The following SHC3 variants were observed in gnomAD, a reference collection of about 807,000 sequenced individuals.
SHC3 encodes the protein SHC adaptor protein 3.
A neutral mutation model predicts 60.4 loss-of-function variants in SHC3; 15 were observed. The observed-to-expected ratio is 0.25, with a 90% CI of 0.17 to 0.38. The LOEUF is 0.38. Ranked by LOEUF, SHC3 falls within the 10% of genes least tolerant of loss-of-function variation. The pLI is 1.00. For synonymous variants in SHC3, 294 were observed against 325.9 expected, an observed-to-expected ratio of 0.90 and a Z score of 1.05; for missense variants, 677 against 786.1, an observed-to-expected ratio of 0.86 and a Z score of 1.66.
At chr9:89,112,713 C>T in intron 1 of SHC3, 87 bp from the exon 2 acceptor site, 1 of 1,138,250 alleles carries the variant, frequency 8.8e-7, no homozygotes, top group Non-Finnish European at 1.2e-6. Flanking sequence ...TTTTGGGAGC[C>T]ATACACATTT....
chr9:89,110,881 C>A (rs1221547560), intron 2 of SHC3, among the ~76,000 whole-genome samples: 1 of 152,172 alleles, frequency 6.6e-6, no homozygotes, highest in African/African-American at 2.4e-5. Flanking sequence ...GTTCCAACTG[C>A]TTTCTTCTAC....
At chr9:89,093,856 C>A (rs1825661529) in intron 2 of SHC3, among the ~76,000 whole-genome samples, 1 of 152,110 alleles carries the variant, frequency 6.6e-6, no homozygotes, top group South Asian at 2.1e-4. Flanking sequence ...GTAATCTCAG[C>A]ACTTTGGGAG....
At chr9:89,034,205 TTAAA>T (rs1378860917) in intron 11 of SHC3, among the ~76,000 whole-genome samples, 1 of 152,158 alleles carries the variant, frequency 6.6e-6, no homozygotes, top group Admixed American at 6.5e-5. Context: ...ATCAAAGTAA[TTAAA>T]TAATATGTGT....
rs1377186234 is a variant in SHC3 at position 89,008,938 on chromosome 9, T to A, written c.*4509A>T. The A allele has an allele frequency of 6.6e-6, 1 of 152,250 alleles. No homozygotes were observed. The highest frequency in any genetic ancestry group is 1.5e-5 in the Non-Finnish European group (1 of 68,050). 9.4% of individuals were successfully genotyped at this position (152,250 alleles called of 1,614,324 possible). A position where few individuals can be genotyped will look rare whatever the true frequency, so the allele number is the denominator to read the frequency against. ...CAAGTCCTCTCTCAGGGTCTCCTTC[T>A]GGAGGAACCCCAACTAAGAGGAAGT... On this transcript the variant is annotated 3_prime_UTR_variant, in exon 12 of 12. Coordinates refer to ENST00000375835, the MANE Select transcript of SHC3 (RefSeq NM_016848.6).
intron 6 of SHC3, among the ~76,000 whole-genome samples, chr9:89,064,073 G>C (rs1001963869): frequency 2.6e-5 from 4 of 152,206 alleles, no homozygotes; most frequent in African/African-American, 9.7e-5. Context: ...GAGGGTGAGG[G>C]AGCTCTCTGA....
chr9:89,140,614 C>T (rs116889581), intron 1 of SHC3, among the ~76,000 whole-genome samples: 2,792 of 152,206 alleles, frequency 0.018, 46 homozygotes, highest in Middle Eastern at 0.037. Flanking sequence ...ATTTCTGATA[C>T]CTGCAAAAGT....
intron 1 of SHC3, among the ~76,000 whole-genome samples, chr9:89,171,262 T>C (rs1826865311): frequency 6.6e-6 from 1 of 151,194 alleles, no homozygotes; most frequent in Non-Finnish European, 1.5e-5. Flanking sequence ...AAACAGAAAG[T>C]TTCTATTTGG....
At chr9:89,101,254 A>T (rs1443462868) in intron 2 of SHC3, among the ~76,000 whole-genome samples, 1 of 152,152 alleles carries the variant, frequency 6.6e-6, no homozygotes, top group Non-Finnish European at 1.5e-5. Flanking sequence ...TTGTATTTTG[A>T]CATTGTATCC....
intron 3 of SHC3, among the ~76,000 whole-genome samples, chr9:89,077,403 T>C (rs551022288): frequency 1.3e-5 from 2 of 152,324 alleles, no homozygotes; most frequent in Middle Eastern, 3.4e-3. Context: ...AGCAGAGGTA[T>C]TGACATCACA....
chr9:89,039,223 C>G (rs1287097886), intron 10 of SHC3, among the ~76,000 whole-genome samples: 1 of 152,230 alleles, frequency 6.6e-6, no homozygotes, highest in Non-Finnish European at 1.5e-5. Flanking sequence ...CTGAGCATAA[C>G]TACACCCTCA....
intron 5 of SHC3, among the ~76,000 whole-genome samples, chr9:89,067,535 A>T (rs888512616): frequency 1.1e-4 from 16 of 152,226 alleles, no homozygotes; most frequent in African/African-American, 3.6e-4. Context: ...TCAAAGAATT[A>T]GAAAGAAAAG....
intron 2 of SHC3, among the ~76,000 whole-genome samples, chr9:89,098,997 T>A (rs547235941): frequency 9.4e-4 from 143 of 152,096 alleles, no homozygotes; most frequent in African/African-American, 3.3e-3. Flanking sequence ...ATTAATTAAT[T>A]AATTAAAAAA....
intron 6 of SHC3, among the ~76,000 whole-genome samples, chr9:89,056,196 G>A (rs1174050547): frequency 6.6e-6 from 1 of 152,198 alleles, no homozygotes; most frequent in African/African-American, 2.4e-5. Flanking sequence ...TGCAGCCTGT[G>A]AAGTTTTCAA....
intron 2 of SHC3, among the ~76,000 whole-genome samples, chr9:89,086,668 GA>G (rs1440145714): frequency 6.6e-6 from 1 of 152,142 alleles, no homozygotes; most frequent in Non-Finnish European, 1.5e-5. Flanking sequence ...CCCCTCTCCA[GA>G]GATTAGGGAC....
chr9:89,063,593 G>C (rs1825127647), intron 6 of SHC3, among the ~76,000 whole-genome samples: 1 of 152,168 alleles, frequency 6.6e-6, no homozygotes, highest in Non-Finnish European at 1.5e-5. Flanking sequence ...AGACTCCATG[G>C]AGAGGGCTGA....
chr9:89,128,658 C>T (rs1322293399), intron 1 of SHC3, among the ~76,000 whole-genome samples: 2 of 152,172 alleles, frequency 1.3e-5, no homozygotes, highest in African/African-American at 4.8e-5. Context: ...GGACCTCCAG[C>T]AAACTCCAAC....
chr9:89,148,271 G>T (rs1929319), intron 1 of SHC3, among the ~76,000 whole-genome samples: 2 of 152,148 alleles, frequency 1.3e-5, no homozygotes, highest in African/African-American at 4.8e-5. Flanking sequence ...ATGAATTCAG[G>T]TGGATGTTTG....
chr9:89,081,401 GCTTTACAGTC>G (rs923994829), intron 2 of SHC3, among the ~76,000 whole-genome samples: 2 of 152,106 alleles, frequency 1.3e-5, no homozygotes, highest in Non-Finnish European at 2.9e-5. Flanking sequence ...AAATATTGAA[GCTTTACAGTC>G]CTTTGCAGGG....
chr9:89,157,944 A>C (rs1356588367), intron 1 of SHC3, among the ~76,000 whole-genome samples: 1 of 151,846 alleles, frequency 6.6e-6, no homozygotes, highest in African/African-American at 2.4e-5. Flanking sequence ...CAATTTTATC[A>C]ATTTTTTTCA....
Sources: gnomAD v4.1 joint callset for allele counts (sites outside exome capture counted in the v4.1 genomes callset) on GRCh38, gnomAD v4.1.1 for gene constraint, MANE v1.5 for transcripts, NCBI Gene and HGNC (gene_info 2026-07-23, HGNC 2026-07-21) for gene names.